The following GAN variants were observed in gnomAD, a reference collection of about 807,000 sequenced individuals.
GAN encodes epididymis secretory sperm binding protein.
In GAN, 48 loss-of-function variants were observed where a neutral mutation model predicts 71.3. The observed-to-expected ratio is 0.67, with a 90% CI of 0.53 to 0.86. The LOEUF (loss-of-function observed/expected upper bound fraction) is 0.86, where lower values mean the gene tolerates loss of function less well. Among genes scored for constraint, GAN ranks in the 40% least tolerant of loss-of-function variants. The probability of loss-of-function intolerance (pLI) is 0.00; values close to 1 mark genes in which losing one functional copy is unlikely to be tolerated. For missense variants in GAN, 928 were observed against 770.1 expected, an observed-to-expected ratio of 1.21 and a Z score of -2.43; for synonymous variants, 386 against 276.8, an observed-to-expected ratio of 1.39 and a Z score of -3.92.
chr16:81,369,640 G>A (rs1214698072), intron 9 of GAN, among the ~76,000 whole-genome samples: 3 of 152,206 alleles, frequency 2.0e-5, no homozygotes, highest in Non-Finnish European at 4.4e-5. Context: ...TGCCCAGGCT[G>A]GAGTGCAGTG....
intron 1 of GAN, among the ~76,000 whole-genome samples, chr16:81,343,403 A>G (rs181518938): frequency 3.9e-5 from 6 of 152,376 alleles, no homozygotes; most frequent in Non-Finnish European, 7.3e-5. Flanking sequence ...GCAGCACATC[A>G]GAAAGCTTAT....
intron 1 of GAN, among the ~76,000 whole-genome samples, chr16:81,335,583 C>G (rs370077784): frequency 1.3e-5 from 2 of 151,942 alleles, no homozygotes; most frequent in East Asian, 3.9e-4. Flanking sequence ...CCCATCTCTA[C>G]TAAAAATACA....
chr16:81,382,482 T>G lies in GAN; in HGVS notation c.*4886T>G, dbSNP rs1308481583. Reference sequence around the variant, plus strand: ...GAAAGTTTCTTTGAAAGAGAAACTGTTTTTTTATTTCAAAGAGCTTCATGT... The same window carrying G: ...GAAAGTTTCTTTGAAAGAGAAACTGGTTTTTTATTTCAAAGAGCTTCATGT... On this transcript the variant is annotated 3_prime_UTR_variant, in exon 11 of 11. Coordinates refer to ENST00000648994, the MANE Select transcript of GAN (RefSeq NM_022041.4). 6.6e-6 allele frequency: 1 copy of G among 152,096 alleles called. No individual in the cohort carries two copies. Among genetic ancestry groups the G allele is most frequent in the East Asian group, 1.9e-4 (1 of 5,204 alleles). The allele number at this position is 152,096 out of a possible 1,614,324, so 9.4% of individuals were successfully genotyped here.
chr16:81,319,206 T>TTATATATATATATATATATATATATATA (rs57681055), intron 1 of GAN, among the ~76,000 whole-genome samples: 3 of 138,798 alleles, frequency 2.2e-5, no homozygotes, highest in Admixed American at 7.3e-5. Context: ...TAGATATAGA[T>TTATATATATATATATATATATATATATA]TATATATATA....
intron 9 of GAN, among the ~76,000 whole-genome samples, chr16:81,368,586 A>C (rs1175403357): frequency 6.6e-6 from 1 of 152,206 alleles, no homozygotes; most frequent in Admixed American, 6.5e-5. Flanking sequence ...CTCCATCCTG[A>C]GTGCCAGAGC....
At chr16:81,323,058 C>G (rs1909270489) in intron 1 of GAN, among the ~76,000 whole-genome samples, 1 of 152,252 alleles carries the variant, frequency 6.6e-6, no homozygotes, top group Non-Finnish European at 1.5e-5. Context: ...AGTGATGGAG[C>G]TGGAGGCCAG....
At position 81,365,275 on chromosome 16, in the gene GAN, A is replaced by T. The variant is rs1315513045; in HGVS notation, c.1374-75A>T. 3 of 1,599,324 alleles carry T rather than the reference A, an allele frequency of 1.9e-6. No individual in the cohort carries two copies. The East Asian group carries it at 6.7e-5, about 36-fold the overall frequency. On this transcript the variant is annotated intron_variant, in intron 8 of 10. Transcript: ENST00000648994. Reference sequence around the variant, plus strand: ...CGTAGTAATGCTGCAGAGTTAAACCAGCATAAGAGGAACGCGGGAGTGAGA... The same window carrying T: ...CGTAGTAATGCTGCAGAGTTAAACCTGCATAAGAGGAACGCGGGAGTGAGA...
chr16:81,325,944 T>A (rs1909371225), intron 1 of GAN, among the ~76,000 whole-genome samples: 1 of 152,252 alleles, frequency 6.6e-6, no homozygotes, highest in Non-Finnish European at 1.5e-5. Context: ...TCTCTGCCTT[T>A]CTTGACTTCC....
rs1368038147 is a variant in GAN, at chr16:81,356,953, C to T, written c.802C>T (p.Pro268Ser). ...QGEAMLANFK[P>S]RGYSECIVTV... ...GGAGGCGATGCTGGCCAACTTCAAACCCCGGGGCTACTCTGAGTGCATCGT... is the reference window on the plus strand; with the variant it reads ...GGAGGCGATGCTGGCCAACTTCAAATCCCGGGGCTACTCTGAGTGCATCGT... Residue 268 changes from proline to serine, a missense_variant, in exon 4 of 11, where the codon CCC (proline) becomes TCC (serine). By Grantham distance (74) the Pro-to-Ser change is moderately conservative. Coordinates refer to ENST00000648994, the MANE Select transcript of GAN (RefSeq NM_022041.4). 3 of 1,613,306 alleles carry T rather than the reference C, an allele frequency of 1.9e-6. No homozygotes were observed. Among genetic ancestry groups the T allele is most frequent in the Non-Finnish European group, 2.5e-6 (3 of 1,179,676 alleles).
chr16:81,361,385 GTAAGTTAA>G (rs75171331), intron 5 of GAN, among the ~76,000 whole-genome samples: 24,609 of 152,004 alleles, frequency 0.16, 3,163 homozygotes, highest in East Asian at 0.68. Flanking sequence ...GGTATTAACT[GTAAGTTAA>G]GTTCAAGGCT....
At position 81,357,835 on chromosome 16, in the gene GAN, C is replaced by T. The variant is rs370358470; in HGVS notation, c.877C>T (p.Arg293Ter). The T allele has an allele frequency of 3.7e-6, 6 of 1,612,336 alleles. No homozygotes were observed. The highest frequency in any genetic ancestry group is 1.6e-4 in the Middle Eastern group (1 of 6,078). ...RVSRKPTAAM[R>*]CMCPLYDPNR... ...TTCACGGAAACCCACAGCAGCGATG[C>T]GATGCATGTGCCCTCTCTATGACCC... Residue 293 changes from arginine to a stop codon, truncating the protein, a stop_gained, in exon 5 of 11, where the codon CGA (arginine) becomes TGA (stop). Transcript: ENST00000648994. LOFTEE classifies it high-confidence loss of function.
At chr16:81,342,265 G>T (rs1597396082) in intron 1 of GAN, among the ~76,000 whole-genome samples, 1 of 152,170 alleles carries the variant, frequency 6.6e-6, no homozygotes, top group African/African-American at 2.4e-5. Context: ...CTTGAACTCA[G>T]CTCTGGACCA....
At chr16:81,356,114 A>C (rs1198783118) in intron 3 of GAN, among the ~76,000 whole-genome samples, 1 of 152,228 alleles carries the variant, frequency 6.6e-6, no homozygotes, top group Non-Finnish European at 1.5e-5. Flanking sequence ...AAAACGAGGC[A>C]GTTCTTTGTC....
intron 1 of GAN, among the ~76,000 whole-genome samples, chr16:81,345,019 A>G (rs905727702): frequency 2.0e-5 from 3 of 152,276 alleles, no homozygotes; most frequent in African/African-American, 7.2e-5. Flanking sequence ...ATAACTGGCC[A>G]TTAGAGAAAT....
intron 9 of GAN, among the ~76,000 whole-genome samples, chr16:81,370,719 C>T (rs1186970921): frequency 6.6e-6 from 1 of 152,268 alleles, no homozygotes; most frequent in African/African-American, 2.4e-5. Context: ...GGCCCCTGGC[C>T]TTGCCAGTCT....
chr16:81,319,206 T>TTTTATATATATA (rs61540131), intron 1 of GAN, among the ~76,000 whole-genome samples: 1 of 138,798 alleles, frequency 7.2e-6, no homozygotes, highest in Non-Finnish European at 1.5e-5. Flanking sequence ...TAGATATAGA[T>TTTTATATATATA]TATATATATA....
intron 5 of GAN, among the ~76,000 whole-genome samples, chr16:81,361,238 A>G (rs1468158096): frequency 6.6e-6 from 1 of 152,162 alleles, no homozygotes. Flanking sequence ...AACAAAAAAA[A>G]TCAAAAAAAA....
chr16:81,376,249 A>G (rs1904279259), intron 9 of GAN, among the ~76,000 whole-genome samples: 1 of 152,094 alleles, frequency 6.6e-6, no homozygotes, highest in Non-Finnish European at 1.5e-5. Context: ...TAAGTCCGCA[A>G]AAAAGACTTG....
chr16:81,375,338 T>TC (rs1235328285), intron 9 of GAN, among the ~76,000 whole-genome samples: 13 of 98,870 alleles, frequency 1.3e-4, no homozygotes, highest in Non-Finnish European at 1.9e-4. Context: ...TTTTAATTTA[T>TC]CTTTTTTTTT....
Sources: gnomAD v4.1 joint callset for allele counts (sites outside exome capture counted in the v4.1 genomes callset) on GRCh38, gnomAD v4.1.1 for gene constraint, MANE v1.5 for transcripts, NCBI Gene and HGNC (gene_info 2026-07-23, HGNC 2026-07-21) for gene names.